Variants in GTF2A1 observed in about 807,000 individuals in gnomAD.
GTF2A1 encodes the protein transcription initiation factor IIA subunit 1.
In GTF2A1, 12 loss-of-function variants were observed where a neutral mutation model predicts 54.1. The ratio of observed to expected loss-of-function variants is 0.22; its 90% confidence interval spans 0.14 to 0.36. The LOEUF is 0.36. GTF2A1 is among the 10% of genes least tolerant of loss of function. The probability of loss-of-function intolerance (pLI) is 1.00; values close to 1 mark genes in which losing one functional copy is unlikely to be tolerated. For synonymous variants in GTF2A1, 145 were observed against 152.0 expected (o/e 0.95, Z 0.34); for missense variants, 335 against 442.2 (o/e 0.76, Z 2.17).
chr14:81,220,537 CAA>C lies in GTF2A1; in HGVS notation c.-21_-20del, dbSNP rs762570913. On this transcript the variant is annotated 5_prime_UTR_variant, in exon 1 of 9. Transcript: ENST00000553612. ...TCGCCATTTCCACACACAACACAAA[CAA>C]GAGGGGGCAACCCCAAGAAAACAAG... 1.9e-6 allele frequency: 3 copies of C among 1,548,356 alleles called. No homozygotes were observed. Among genetic ancestry groups the C allele is most frequent in the East Asian group, 4.8e-5 (2 of 41,862 alleles).
intron 2 of GTF2A1, among the ~76,000 whole-genome samples, chr14:81,211,851 C>T (rs1332336884): frequency 1.5e-5 from 2 of 134,852 alleles, no homozygotes; most frequent in African/African-American, 5.9e-5. Flanking sequence ...AATATTTACA[C>T]ATAATTAGAG....
chr14:81,199,096 T>C (rs974238941), intron 4 of GTF2A1, among the ~76,000 whole-genome samples: 2 of 152,174 alleles, frequency 1.3e-5, no homozygotes, highest in Admixed American at 1.3e-4. Context: ...AACCACCACA[T>C]ACTATTAAGA....
intron 8 of GTF2A1, among the ~76,000 whole-genome samples, chr14:81,181,308 C>G (rs1892633294): frequency 6.6e-6 from 1 of 151,808 alleles, no homozygotes; most frequent in African/African-American, 2.4e-5. Context: ...AAGAAGGCCC[C>G]CTGGTTCTCC....
chr14:81,188,224 T>A lies in GTF2A1; in HGVS notation c.934-2604A>T, dbSNP rs1240037399. On this transcript the variant is annotated intron_variant, in intron 7 of 8. Coordinates refer to ENST00000553612, the MANE Select transcript of GTF2A1 (RefSeq NM_015859.4). Reference sequence around the variant, plus strand: ...AGAGTTCTTTATATATTCTGGATAGTAGATCCTTATCAAATACATGATTTG... The same window carrying A: ...AGAGTTCTTTATATATTCTGGATAGAAGATCCTTATCAAATACATGATTTG... 3.9e-5 allele frequency among the ~76,000 whole-genome samples: 6 copies of A among 152,182 alleles called. 1 individual carries two copies. Among genetic ancestry groups the A allele is most frequent in the Admixed American group, 3.9e-4 (6 of 15,276 alleles).
At position 81,175,914 on chromosome 14, in the gene GTF2A1, C is replaced by T. The variant is rs1000477944; in HGVS notation, c.*4309G>A. On this transcript the variant is annotated 3_prime_UTR_variant, in exon 9 of 9. Coordinates refer to ENST00000553612, the MANE Select transcript of GTF2A1 (RefSeq NM_015859.4). The stretch of plus-strand genomic sequence containing the variant: ...TTCGCCCAACCTAAATTCCTGTGTG[C>T]CTGGAAAATACAACTTTTTAAAAGC... The T allele has an allele frequency of 6.6e-6, 1 of 152,014 alleles. No homozygotes were observed. Among genetic ancestry groups the T allele is most frequent in the Admixed American group, 6.5e-5 (1 of 15,270 alleles). 9.4% of individuals were successfully genotyped at this position (152,014 alleles called of 1,614,324 possible). A position where few individuals can be genotyped will look rare whatever the true frequency, so the allele number is the denominator to read the frequency against.
rs1892589043 is a variant in GTF2A1, at chr14:81,179,170, G to C, written c.*1053C>G. The C allele has an allele frequency of 6.6e-6, 1 of 151,986 alleles. No individual in the cohort carries two copies. Among genetic ancestry groups the C allele is most frequent in the Admixed American group, 6.6e-5 (1 of 15,252 alleles). 9.4% of individuals were successfully genotyped at this position (151,986 alleles called of 1,614,324 possible). A position where few individuals can be genotyped will look rare whatever the true frequency, so the allele number is the denominator to read the frequency against. ...TTTAAAAACTTGTTGAATTAGAATA[G>C]ATTTTTAAAATTCTTTACTAGTAAA... On this transcript the variant is annotated 3_prime_UTR_variant, in exon 9 of 9. Coordinates refer to ENST00000553612, the MANE Select transcript of GTF2A1 (RefSeq NM_015859.4).
chr14:81,221,301 C>T (rs1390960313), upstream of GTF2A1: 2 of 152,296 alleles, frequency 1.3e-5, no homozygotes, highest in East Asian at 3.8e-4. Context: ...TCCTGTCGCA[C>T]GTTTCCGCCT....
chr14:81,188,224 T>C (rs1240037399), intron 7 of GTF2A1, among the ~76,000 whole-genome samples: 3 of 152,182 alleles, frequency 2.0e-5, no homozygotes, highest in African/African-American at 7.2e-5. Context: ...TTCTGGATAG[T>C]AGATCCTTAT....
intron 3 of GTF2A1, among the ~76,000 whole-genome samples, chr14:81,203,521 T>C (rs565290722): frequency 1.6e-4 from 25 of 152,314 alleles, no homozygotes; most frequent in African/African-American, 5.8e-4. Flanking sequence ...TATTGTACCA[T>C]ATAAAATAAT....
rs1325693997 is a variant in GTF2A1 at position 81,177,170 on chromosome 14, C to T, written c.*3053G>A. The T allele has an allele frequency of 2.6e-5, 4 of 152,090 alleles. No individual in the cohort carries two copies. The highest frequency in any genetic ancestry group is 9.7e-5 in the African/African-American group (4 of 41,430). The allele number at this position is 152,090 out of a possible 1,614,324, so 9.4% of individuals were successfully genotyped here. A position where few individuals can be genotyped will look rare whatever the true frequency, so the allele number is the denominator to read the frequency against. The stretch of plus-strand genomic sequence containing the variant: ...CATTAAGCACACATTTTAATTACTA[C>T]ACACTGCTCAAGTCTTGATGTAATC... On this transcript the variant is annotated 3_prime_UTR_variant, in exon 9 of 9. Coordinates refer to ENST00000553612, the MANE Select transcript of GTF2A1 (RefSeq NM_015859.4).
At chr14:81,216,122 T>C (rs895116294) in intron 2 of GTF2A1, among the ~76,000 whole-genome samples, 2 of 152,250 alleles carry the variant, frequency 1.3e-5, no homozygotes, top group African/African-American at 4.8e-5. Context: ...TAACTGCTAA[T>C]GCTACTATCA....
intron 7 of GTF2A1, among the ~76,000 whole-genome samples, chr14:81,189,728 G>A (rs1388230937): frequency 6.6e-6 from 1 of 151,846 alleles, no homozygotes; most frequent in Non-Finnish European, 1.5e-5. Context: ...GAGCATCTGA[G>A]CAAACCTACT....
At chr14:81,219,904 A>G (rs1219691984) in intron 1 of GTF2A1, among the ~76,000 whole-genome samples, 1 of 152,206 alleles carries the variant, frequency 6.6e-6, no homozygotes, top group Non-Finnish European at 1.5e-5. Flanking sequence ...GAACTGAGAT[A>G]AGTGCTTTTC....
Position 81,177,225 on chromosome 14 carries a change from A to G in GTF2A1, c.*2998T>C, listed in dbSNP as rs1438922072. On this transcript the variant is annotated 3_prime_UTR_variant, in exon 9 of 9. Coordinates refer to ENST00000553612, the MANE Select transcript of GTF2A1 (RefSeq NM_015859.4). Reference sequence around the variant, plus strand: ...AACAAGAAAGTGGCTTTGCTTTTAAAAGAGGCAACAGTGTAAATGTGACAT... The same window carrying G: ...AACAAGAAAGTGGCTTTGCTTTTAAGAGAGGCAACAGTGTAAATGTGACAT... 6.6e-6 allele frequency: 1 copy of G among 152,170 alleles called. No individual in the cohort carries two copies. Among genetic ancestry groups the G allele is most frequent in the Non-Finnish European group, 1.5e-5 (1 of 67,970 alleles). The allele number at this position is 152,170 out of a possible 1,614,324, so 9.4% of individuals were successfully genotyped here.
chr14:81,180,364 T>C (rs779623424), intron 8 of GTF2A1, 34 bp from the exon 9 acceptor site: 2 of 908,162 alleles, frequency 2.2e-6, no homozygotes, highest in Non-Finnish European at 3.6e-6. Context: ...AATTGAGAGA[T>C]ACAATCAGAA....
At position 81,192,671 on chromosome 14, in the gene GTF2A1, G is replaced by C; in HGVS notation, c.781C>G (p.Gln261Glu). ...TATGQQQPQA[Q>E]PAQTQAPLVL... is the part of the protein sequence containing the mutation. ...AATGGAGCTTGTGTTTGAGCAGGCT[G>C]GGCCTGCGGTTGCTGCTGGCCAGTT... Residue 261 changes from glutamine (Q) to glutamate (E), a missense_variant, in exon 7 of 9, where the codon CAG (glutamine) becomes GAG (glutamate). By Grantham distance (29) the Gln-to-Glu change is conservative (BLOSUM62 2). Coordinates refer to ENST00000553612, the MANE Select transcript of GTF2A1 (RefSeq NM_015859.4). 6 of 1,614,140 alleles carry C rather than the reference G, an allele frequency of 3.7e-6. No homozygotes were observed. Among genetic ancestry groups the C allele is most frequent in the Non-Finnish European group, 5.1e-6 (6 of 1,179,974 alleles).
chr14:81,211,389 CT>C (rs1893360549), intron 2 of GTF2A1, among the ~76,000 whole-genome samples: 1 of 152,176 alleles, frequency 6.6e-6, no homozygotes, highest in Non-Finnish European at 1.5e-5. Flanking sequence ...ACTCTGTTAC[CT>C]TCCTGCTTAC....
At chr14:81,186,155 C>A (rs1287071384) in intron 7 of GTF2A1, among the ~76,000 whole-genome samples, 4 of 152,156 alleles carry the variant, frequency 2.6e-5, no homozygotes, top group African/African-American at 9.7e-5. Context: ...CCCGGCCTAT[C>A]TTTATTTTCT....
Position 81,193,608 on chromosome 14 carries a change from G to A in GTF2A1, c.613-769C>T, listed in dbSNP as rs182417238. 8.9e-4 allele frequency among the ~76,000 whole-genome samples: 136 copies of A among 152,250 alleles called. 1 individual carries two copies. The highest frequency in any genetic ancestry group is 3.2e-3 in the African/African-American group (133 of 41,552). ...TATGAACCACCTGGCAACTTAAAAA[G>A]TACTGATACCTTGGCCATACCCCTA... On this transcript the variant is annotated intron_variant, in intron 6 of 8. Coordinates refer to ENST00000553612, the MANE Select transcript of GTF2A1 (RefSeq NM_015859.4).
Sources: allele counts gnomAD v4.1 joint callset (sites outside exome capture counted in the v4.1 genomes callset), GRCh38; gene constraint gnomAD v4.1.1; transcripts MANE v1.5; gene names NCBI Gene and HGNC (gene_info 2026-07-23, HGNC 2026-07-21).